The following ZNF496 variants were observed in gnomAD, a reference collection of about 807,000 sequenced individuals.
The protein encoded by ZNF496 is NSD1 (nuclear receptor binding SET-domain containing 1)-interacting zinc finger protein 1.
In ZNF496, 11 loss-of-function variants were observed where a neutral mutation model predicts 58.9. The observed-to-expected ratio is 0.19, with a 90% confidence interval of 0.12 to 0.31. ZNF496 has a LOEUF of 0.31. Ranked by LOEUF, ZNF496 falls within the 10% of genes least tolerant of loss-of-function variation. ZNF496 has a pLI of 1.00. For missense variants in ZNF496, 660 were observed against 783.0 expected, an observed-to-expected ratio of 0.84 and a Z score of 1.88; for synonymous variants, 338 against 318.2, an observed-to-expected ratio of 1.06 and a Z score of -0.66.
chr1:247,328,570 C>T (rs960409253), intron 5 of ZNF496, 113 bp downstream of exon 5: 14 of 1,178,532 alleles, frequency 1.2e-5, no homozygotes, highest in Middle Eastern at 3.1e-4. Context: ...CTCGGGGACA[C>T]GAGAACACTG....
Position 247,308,693 on chromosome 1 carries a change from T to C in ZNF496, c.893-105A>G. The stretch of plus-strand genomic sequence containing the variant: ...CCAGGCTACGATCTGGGGGCGGCCC[T>C]GGGCTCCGTCCTGGGGACTGGCAGG... On this transcript the variant is annotated intron_variant, in intron 8 of 9. Coordinates refer to ENST00000682384, the MANE Select transcript of ZNF496 (RefSeq NM_032752.3). This position sits in a 1 kb window ranked among gnomAD's most constrained non-coding sequence, Gnocchi z 4.5. 1 of 1,090,302 alleles carries C rather than the reference T, an allele frequency of 9.2e-7. No individual in the cohort carries two copies. 67.5% of individuals were successfully genotyped at this position (1,090,302 alleles called of 1,614,324 possible). A position where few individuals can be genotyped will look rare whatever the true frequency, so the allele number is the denominator to read the frequency against.
chr1:247,304,124 G>A (rs1015102374), intron 9 of ZNF496: 4 of 391,974 alleles, frequency 1.0e-5, no homozygotes, highest in Admixed American at 3.3e-5. Flanking sequence ...CAAACTGGCC[G>A]ATAGATCTAT....
chr1:247,329,215 G>A lies in ZNF496; in HGVS notation c.364C>T (p.Arg122Trp), dbSNP rs778466446. Reference protein sequence around the residue: ...QAVAAVEALEREPGRPWQWLK... With the variant: ...QAVAAVEALEWEPGRPWQWLK... ...CACTGCCAGGGTCTCCCGGGCTCCC[G>A]TTCCAGTGCCTCCACCGCGGCCACA... Residue 122 changes from arginine to tryptophan, a missense_variant, in exon 4 of 10, where the codon CGG becomes TGG. Arg to Trp is a moderately radical substitution (Grantham distance 101, BLOSUM62 -3). Coordinates refer to ENST00000682384, the MANE Select transcript of ZNF496 (RefSeq NM_032752.3). The surrounding 1 kb of genome is among the most constrained non-coding windows in gnomAD (Gnocchi z 5.5). 3.7e-6 allele frequency: 6 copies of A among 1,613,370 alleles called. No homozygotes were observed. In the Admixed American group the frequency reaches 5.0e-5, roughly 13 times the overall value.
In ZNF496 at chr1:247,325,639, CTT is replaced by C. The variant is rs369839058; in HGVS notation, c.575-2411_575-2410del. ...TCTTACCTAACGGAAACTTTGTACT[CTT>C]TGACCGATGTCTCCCAGAGGGGGTG... On this transcript the variant is annotated intron_variant, in intron 5 of 9. Coordinates refer to ENST00000682384, the MANE Select transcript of ZNF496 (RefSeq NM_032752.3). 2.8e-3 allele frequency among the ~76,000 whole-genome samples: 421 copies of C among 152,240 alleles called. 1 individual carries two copies. The highest frequency in any genetic ancestry group is 9.5e-3 in the African/African-American group (396 of 41,546).
chr1:247,328,907 G>T, intron 4 of ZNF496, 41 bp from the exon 5 acceptor site: 2 of 1,548,336 alleles, frequency 1.3e-6, no homozygotes. Context: ...AGGGGAAGAG[G>T]TCCCATCTCT....
chr1:247,306,140 G>C (rs1659400492), intron 9 of ZNF496, among the ~76,000 whole-genome samples: 1 of 152,070 alleles, frequency 6.6e-6, no homozygotes, highest in Admixed American at 6.5e-5. Context: ...AGCAAACCGT[G>C]GTTTGGTAAT....
rs778022895 is a variant in ZNF496, at chr1:247,328,639, C to CA, written c.574+43dup. 5 of 1,506,762 alleles carry CA rather than the reference C, an allele frequency of 3.3e-6. No homozygotes were observed. The African/African-American group carries it at 5.6e-5, about 17-fold the overall frequency. The allele number at this position is 1,506,762 out of a possible 1,614,324, so 93.3% of individuals were successfully genotyped here. A position where few individuals can be genotyped will look rare whatever the true frequency, so the allele number is the denominator to read the frequency against. ...CACCCAGTGCACAGTATGGGGTGTG[C>CA]ACTTCCCCAGATCACCCCTGCTACA... On this transcript the variant is annotated intron_variant, in intron 5 of 9. Coordinates refer to ENST00000682384, the MANE Select transcript of ZNF496 (RefSeq NM_032752.3).
rs1659488156 is a variant in ZNF496, at chr1:247,308,466, C to G, written c.1006+9G>C. On this transcript the variant is annotated intron_variant, in intron 9 of 9. Coordinates refer to ENST00000682384, the MANE Select transcript of ZNF496 (RefSeq NM_032752.3). The surrounding 1 kb of genome is among the most constrained non-coding windows in gnomAD (Gnocchi z 4.5). Reference sequence around the variant, plus strand: ...GGGACAAACCCATACCTCCCTGACCCTTCTTTACCTGGGTAGGTGTTTTGA... The same window carrying G: ...GGGACAAACCCATACCTCCCTGACCGTTCTTTACCTGGGTAGGTGTTTTGA... The G allele has an allele frequency of 1.9e-6, 3 of 1,613,582 alleles. No individual in the cohort carries two copies. Among genetic ancestry groups the G allele is most frequent in the Non-Finnish European group, 2.5e-6 (3 of 1,179,516 alleles).
chr1:247,307,323 G>A, intron 9 of ZNF496: 1 of 985,404 alleles, frequency 1.0e-6, no homozygotes, highest in Non-Finnish European at 1.2e-6. Context: ...TTGGCTTCTG[G>A]CTGTTTCAGA....
intron 7 of ZNF496, chr1:247,310,096 G>T (rs1328957399): frequency 4.2e-6 from 6 of 1,430,754 alleles, no homozygotes; most frequent in Non-Finnish European, 5.5e-6. Flanking sequence ...GTTCTATTTG[G>T]TTCTGATAAG....
chr1:247,316,936 G>C (rs1659799674), intron 6 of ZNF496, among the ~76,000 whole-genome samples: 1 of 152,128 alleles, frequency 6.6e-6, no homozygotes, highest in African/African-American at 2.4e-5. Context: ...CAAATAAATT[G>C]GCAGAGAAAA....
rs1558438099 is a variant in ZNF496 at position 247,308,346 on chromosome 1, A to G, written c.1006+129T>C. 1.2e-6 allele frequency: 1 copy of G among 834,656 alleles called. No homozygotes were observed. Among genetic ancestry groups the G allele is most frequent in the Non-Finnish European group, 2.0e-6 (1 of 499,096 alleles). The allele number at this position is 834,656 out of a possible 1,614,324, so 51.7% of individuals were successfully genotyped here. ...CTCACACATGCAGCACACCACATAT[A>G]CCACATGTGTATGCACGCACACATG... On this transcript the variant is annotated intron_variant, in intron 9 of 9. Transcript: ENST00000682384. The surrounding 1 kb of genome is among the most constrained non-coding windows in gnomAD (Gnocchi z 4.5).
Position 247,300,207 on chromosome 1 carries a change from T to C in ZNF496, c.*312A>G. 1 of 246,862 alleles carries C rather than the reference T, an allele frequency of 4.1e-6. No individual in the cohort carries two copies. Among genetic ancestry groups the C allele is most frequent in the Non-Finnish European group, 7.8e-6 (1 of 128,728 alleles). The allele number at this position is 246,862 out of a possible 1,614,324, so 15.3% of individuals were successfully genotyped here. A position where few individuals can be genotyped will look rare whatever the true frequency, so the allele number is the denominator to read the frequency against. The stretch of plus-strand genomic sequence containing the variant: ...CTGACGGGGGATAGCCCAGTTTTAC[T>C]CCCCGAGCTTGGGGAGCATGGGCCA... On this transcript the variant is annotated 3_prime_UTR_variant, in exon 10 of 10. Coordinates refer to ENST00000682384, the MANE Select transcript of ZNF496 (RefSeq NM_032752.3). This position sits in a 1 kb window ranked among gnomAD's most constrained non-coding sequence, Gnocchi z 5.7.
At chr1:247,323,942 G>A (rs1660037072) in intron 5 of ZNF496, among the ~76,000 whole-genome samples, 3 of 151,768 alleles carry the variant, frequency 2.0e-5, no homozygotes, top group Admixed American at 1.3e-4. Flanking sequence ...TAGGGAGACC[G>A]CATCTCTATT....
chr1:247,328,547 C>G, intron 5 of ZNF496, 136 bp downstream of exon 5: 3 of 897,694 alleles, frequency 3.3e-6, no homozygotes, highest in South Asian at 2.4e-5. Flanking sequence ...ACCCTGACAA[C>G]AGCTCACAGC....
intron 9 of ZNF496, among the ~76,000 whole-genome samples, chr1:247,304,884 T>C (rs1308940901): frequency 6.6e-6 from 1 of 152,128 alleles, no homozygotes; most frequent in Non-Finnish European, 1.5e-5. Context: ...ATTTGAGATG[T>C]TGATATTTAG....
At chr1:247,304,708 A>G (rs978810058) in intron 9 of ZNF496, among the ~76,000 whole-genome samples, 1 of 152,156 alleles carries the variant, frequency 6.6e-6, no homozygotes, top group African/African-American at 2.4e-5. Context: ...CTTGGGACCC[A>G]TTACCCTTTC....
rs755989651 is a variant in ZNF496 at position 247,308,630 on chromosome 1, C to G, written c.893-42G>C. ...ATGGAAAAATTGATTTGTTTTGCAC[C>G]TACAGCACTACCTGGGAGGGTGCTA... On this transcript the variant is annotated intron_variant, in intron 8 of 9. Transcript: ENST00000682384. The surrounding 1 kb of genome is among the most constrained non-coding windows in gnomAD (Gnocchi z 4.5). 1.3e-6 allele frequency: 2 copies of G among 1,561,364 alleles called. No individual in the cohort carries two copies. The highest frequency in any genetic ancestry group is 1.8e-6 in the Non-Finnish European group (2 of 1,132,762).
chr1:247,309,585 G>A lies in ZNF496; in HGVS notation c.892+114C>T. ...ATGCAAGACCCACATAGAGTCTGGG[G>A]AAATGAAGAAGGCAATTAGGGGCCG... On this transcript the variant is annotated intron_variant, in intron 8 of 9. Coordinates refer to ENST00000682384, the MANE Select transcript of ZNF496 (RefSeq NM_032752.3). This position sits in a 1 kb window ranked among gnomAD's most constrained non-coding sequence, Gnocchi z 4.3. 1.3e-6 allele frequency: 2 copies of A among 1,491,512 alleles called. No individual in the cohort carries two copies. The highest frequency in any genetic ancestry group is 1.8e-6 in the Non-Finnish European group (2 of 1,119,856). The allele number at this position is 1,491,512 out of a possible 1,614,324, so 92.4% of individuals were successfully genotyped here. A position where few individuals can be genotyped will look rare whatever the true frequency, so the allele number is the denominator to read the frequency against.
Sources: allele counts gnomAD v4.1 joint callset (sites outside exome capture counted in the v4.1 genomes callset), GRCh38; gene constraint gnomAD v4.1.1; non-coding constraint Gnocchi (gnomAD v3.1); transcripts MANE v1.5; gene names NCBI Gene and HGNC (gene_info 2026-07-23, HGNC 2026-07-21).